The following PTPRD variants were observed in gnomAD, a reference collection of about 807,000 sequenced individuals.
The protein encoded by PTPRD is protein tyrosine phosphatase receptor type D.
A neutral mutation model predicts 214.5 loss-of-function variants in PTPRD; 34 were observed. The ratio of observed to expected loss-of-function variants is 0.16; its 90% confidence interval spans 0.12 to 0.21. The LOEUF is 0.21. PTPRD is among the 10% of genes least tolerant of loss of function. The pLI is 1.00. For synonymous variants in PTPRD, 1,128 were observed against 845.7 expected (o/e 1.33, Z -5.79); for missense variants, 2,545 against 2,398.7 (o/e 1.06, Z -1.27).
intron 8 of PTPRD, among the ~76,000 whole-genome samples, chr9:9,476,776 C>A (rs2095075640): frequency 6.6e-6 from 1 of 151,910 alleles, no homozygotes; most frequent in Admixed American, 6.6e-5. Context: ...TCTCTTGTTG[C>A]CCAGGCTGGA....
chr9:9,405,947 C>G (rs558082087), intron 8 of PTPRD, among the ~76,000 whole-genome samples: 2 of 151,974 alleles, frequency 1.3e-5, no homozygotes, highest in African/African-American at 4.8e-5. Flanking sequence ...GTTTACTAAT[C>G]TGTTTGTGCT....
intron 9 of PTPRD, among the ~76,000 whole-genome samples, chr9:9,233,500 C>T (rs781012439): frequency 1.3e-5 from 2 of 152,148 alleles, no homozygotes; most frequent in Non-Finnish European, 2.9e-5. Flanking sequence ...ACAATCATGC[C>T]TTCCCAACAG....
At chr9:8,826,032 G>C (rs1261864249) in intron 11 of PTPRD, among the ~76,000 whole-genome samples, 1 of 152,130 alleles carries the variant, frequency 6.6e-6, no homozygotes, top group Non-Finnish European at 1.5e-5. Context: ...CAGCACAGTA[G>C]ATCTTAGCCT....
Position 9,304,842 on chromosome 9 carries a change from T to G in PTPRD, c.-203+92607A>C, listed in dbSNP as rs148268574. Reference sequence around the variant, plus strand: ...CTGTTTAATCTCCACCCTCCAACGTTCTTGGTGTCCTTGCATCCAAGGCCC... The same window carrying G: ...CTGTTTAATCTCCACCCTCCAACGTGCTTGGTGTCCTTGCATCCAAGGCCC... On this transcript the variant is annotated intron_variant, in intron 9 of 45. Transcript: ENST00000381196. Among the ~76,000 whole-genome samples the G allele has an allele frequency of 4.7e-3, 713 of 150,980 alleles. 4 individuals are homozygous for G. The highest frequency in any genetic ancestry group is 0.017 in the African/African-American group (680 of 41,050).
At chr9:9,784,880 G>C (rs1485798589) in intron 5 of PTPRD, among the ~76,000 whole-genome samples, 1 of 145,254 alleles carries the variant, frequency 6.9e-6, no homozygotes, top group Non-Finnish European at 1.5e-5. Flanking sequence ...ACACACACAC[G>C]CACACACCTA....
chr9:10,502,407 GTTA>G lies in PTPRD; in HGVS notation c.-600+109988_-600+109990del, dbSNP rs756979732. ...GAGAACCCAAGAATCACATAAATATGTTATTATAATTAATTTAGCTATTTGCAA... is the reference window on the plus strand; with the variant it reads ...GAGAACCCAAGAATCACATAAATATGTTATAATTAATTTAGCTATTTGCAA... On this transcript the variant is annotated intron_variant, in intron 2 of 45. Transcript: ENST00000381196. Among the ~76,000 whole-genome samples, 199 of 151,968 alleles carry G rather than the reference GTTA, an allele frequency of 1.3e-3. 5 individuals are homozygous for G. The highest frequency in any genetic ancestry group is 4.9e-4 in the Non-Finnish European group (33 of 67,868).
intron 4 of PTPRD, among the ~76,000 whole-genome samples, chr9:10,000,482 C>G (rs572698041): frequency 2.0e-5 from 3 of 152,170 alleles, no homozygotes; most frequent in Non-Finnish European, 4.4e-5. Context: ...AACTGCTGTT[C>G]CCCGACATGA....
intron 3 of PTPRD, among the ~76,000 whole-genome samples, chr9:10,034,359 C>A (rs896520169): frequency 6.6e-6 from 1 of 150,388 alleles, no homozygotes; most frequent in African/African-American, 2.4e-5. Flanking sequence ...TAAATTCCTG[C>A]CTTTTACTAT....
intron 8 of PTPRD, among the ~76,000 whole-genome samples, chr9:9,464,549 G>A (rs2093967481): frequency 6.6e-6 from 1 of 152,130 alleles, no homozygotes; most frequent in Non-Finnish European, 1.5e-5. Flanking sequence ...AACACAGCAT[G>A]AGACACATTT....
intron 2 of PTPRD, among the ~76,000 whole-genome samples, chr9:10,388,437 C>A (rs2097970869): frequency 6.8e-6 from 1 of 146,356 alleles, no homozygotes. Context: ...ATAGTAGATG[C>A]TTAATGAATA....
Position 9,301,281 on chromosome 9 carries a change from T to C in PTPRD, c.-203+96168A>G, listed in dbSNP as rs749651978. Among the ~76,000 whole-genome samples, 80 of 151,936 alleles carry C rather than the reference T, an allele frequency of 5.3e-4. 2 individuals carry two copies. Among genetic ancestry groups the C allele is most frequent in the Middle Eastern group, 3.4e-3 (1 of 294 alleles). ...CATAATCAAGAGCTGTCAAAACAGA[T>C]TTCATGCTATTTTTAGCCAGAGACT... On this transcript the variant is annotated intron_variant, in intron 9 of 45. Coordinates refer to ENST00000381196, the MANE Select transcript of PTPRD (RefSeq NM_002839.4).
intron 7 of PTPRD, among the ~76,000 whole-genome samples, chr9:9,644,603 G>T (rs1211133551): frequency 1.3e-5 from 2 of 152,152 alleles, no homozygotes; most frequent in African/African-American, 4.8e-5. Context: ...GCAGACAAAT[G>T]CTGGGTAGAA....
chr9:9,355,640 G>A (rs954912008), intron 9 of PTPRD, among the ~76,000 whole-genome samples: 4 of 151,448 alleles, frequency 2.6e-5, no homozygotes, highest in Non-Finnish European at 4.4e-5. Flanking sequence ...CAGGAAGTTG[G>A]ATATGTAAGT....
intron 10 of PTPRD, among the ~76,000 whole-genome samples, chr9:9,132,512 C>G (rs1382796648): frequency 6.6e-6 from 1 of 152,136 alleles, no homozygotes; most frequent in African/African-American, 2.4e-5. Context: ...GGGTCAAATT[C>G]AAGCTTTTAG....
At chr9:8,333,334 A>C (rs2131803827) in intron 43 of PTPRD, among the ~76,000 whole-genome samples, 1 of 152,298 alleles carries the variant, frequency 6.6e-6, no homozygotes, top group Admixed American at 6.5e-5. Context: ...TTCAATAGCA[A>C]GAAGAGGTCA....
At chr9:9,389,302 G>A (rs1256743738) in intron 9 of PTPRD, among the ~76,000 whole-genome samples, 2 of 152,144 alleles carry the variant, frequency 1.3e-5, no homozygotes, top group Non-Finnish European at 2.9e-5. Context: ...CCTGAGATTG[G>A]GAGCTTGAGA....
chr9:10,343,479 T>C (rs1198799022), intron 2 of PTPRD, among the ~76,000 whole-genome samples: 2 of 152,186 alleles, frequency 1.3e-5, no homozygotes, highest in African/African-American at 2.4e-5. Context: ...TTATAATCCT[T>C]TGGGTATATA....
chr9:8,526,713 G>A, intron 16 of PTPRD, 69 bp from the exon 17 acceptor site: 1 of 1,267,434 alleles, frequency 7.9e-7, no homozygotes, highest in Non-Finnish European at 1.1e-6. Context: ...AAGGAGGCTA[G>A]GGCTGGGGAG....
At chr9:9,503,124 G>T (rs764040552) in intron 8 of PTPRD, among the ~76,000 whole-genome samples, 1 of 151,620 alleles carries the variant, frequency 6.6e-6, no homozygotes, top group Admixed American at 6.6e-5. Context: ...TCAAAGAAGG[G>T]ACTTGGTTGG....
Sources: allele counts gnomAD v4.1 joint callset (sites outside exome capture counted in the v4.1 genomes callset), GRCh38; gene constraint gnomAD v4.1.1; transcripts MANE v1.5; gene names NCBI Gene and HGNC (gene_info 2026-07-23, HGNC 2026-07-21).